NECTIN4: variants seen among roughly 807,000 people sequenced by gnomAD.
NECTIN4 encodes nectin cell adhesion molecule 4.
NECTIN4 carries 19 observed loss-of-function variants against 51.7 expected under a neutral mutation model. The observed-to-expected ratio is 0.37, with a 90% CI of 0.26 to 0.54. NECTIN4 has a LOEUF of 0.54. Among genes scored for constraint, NECTIN4 ranks in the 20% least tolerant of loss-of-function variants. NECTIN4 has a pLI of 0.86. For missense variants in NECTIN4, 619 were observed against 662.4 expected, an observed-to-expected ratio of 0.93 and a Z score of 0.72; for synonymous variants, 283 against 286.9, an observed-to-expected ratio of 0.99 and a Z score of 0.14.
In NECTIN4 at chr1:161,072,476, G is replaced by A; in HGVS notation, c.*185C>T. ...ACACACAGTGACCTGCATGCATGGTGGGAGAGACTCAATTGGTGGAGCCCT... is the reference window on the plus strand; with the variant it reads ...ACACACAGTGACCTGCATGCATGGTAGGAGAGACTCAATTGGTGGAGCCCT... On this transcript the variant is annotated 3_prime_UTR_variant, in exon 9 of 9. Transcript: ENST00000368012. 1 of 655,774 alleles carries A rather than the reference G, an allele frequency of 1.5e-6. No homozygotes were observed. The highest frequency in any genetic ancestry group is 2.8e-6 in the Non-Finnish European group (1 of 360,822). 40.6% of individuals were successfully genotyped at this position (655,774 alleles called of 1,614,324 possible).
In NECTIN4 at chr1:161,089,541, G is replaced by C. The variant is rs1223203085; in HGVS notation, c.-245C>G. The C allele has an allele frequency of 5.4e-6, 3 of 555,390 alleles. No individual in the cohort carries two copies. In the Admixed American group the frequency reaches 9.1e-5, roughly 17 times the overall value. The allele number at this position is 555,390 out of a possible 1,614,324, so 34.4% of individuals were successfully genotyped here. A position where few individuals can be genotyped will look rare whatever the true frequency, so the allele number is the denominator to read the frequency against. On this transcript the variant is annotated 5_prime_UTR_variant, in exon 1 of 9. Transcript: ENST00000368012. This position sits in a 1 kb window ranked among gnomAD's most constrained non-coding sequence, Gnocchi z 4.1. ...CTCCCCCAGAGCTGCTTCCCACGCT[G>C]TGGCCAACAACGACGGCAGAAACCT...
chr1:161,076,069 C>T (rs566703321), intron 4 of NECTIN4, among the ~76,000 whole-genome samples: 4 of 152,198 alleles, frequency 2.6e-5, no homozygotes, highest in East Asian at 1.9e-4. Context: ...AGCAAGACTC[C>T]GTCTCAAAAC....
intron 7 of NECTIN4, 98 bp downstream of exon 7, chr1:161,073,622 G>T: frequency 9.1e-7 from 1 of 1,099,208 alleles, no homozygotes; most frequent in Non-Finnish European, 1.4e-6. Context: ...GGCTGACCCA[G>T]CAGAGAGCTG....
intron 1 of NECTIN4, among the ~76,000 whole-genome samples, chr1:161,088,896 C>A (rs1378541777): frequency 6.6e-6 from 1 of 152,094 alleles, no homozygotes; most frequent in African/African-American, 2.4e-5. Flanking sequence ...ACAAGTCCCA[C>A]CTGCCTGCCC....
chr1:161,077,782 A>G (rs779076734), intron 2 of NECTIN4, 39 bp from the exon 3 acceptor site: 2 of 1,573,616 alleles, frequency 1.3e-6, no homozygotes, highest in Non-Finnish European at 8.6e-7. Flanking sequence ...GGTCTACACA[A>G]TCCCTGTCAG....
At chr1:161,074,923 C>G (rs1653347116) in intron 4 of NECTIN4, among the ~76,000 whole-genome samples, 164 bp from the exon 5 acceptor site, 2 of 152,230 alleles carry the variant, frequency 1.3e-5, no homozygotes, top group South Asian at 4.1e-4. Context: ...AGGCAGAGGT[C>G]CTTTCTCCCT....
At chr1:161,082,445 A>T (rs2101672109) in intron 1 of NECTIN4, among the ~76,000 whole-genome samples, 1 of 152,228 alleles carries the variant, frequency 6.6e-6, no homozygotes, top group East Asian at 1.9e-4. Context: ...TTCACTGCCA[A>T]AGGGAGCACC....
chr1:161,089,141 T>C lies in NECTIN4; in HGVS notation c.79+77A>G. On this transcript the variant is annotated intron_variant, in intron 1 of 8. Coordinates refer to ENST00000368012, the MANE Select transcript of NECTIN4 (RefSeq NM_030916.3). This position sits in a 1 kb window ranked among gnomAD's most constrained non-coding sequence, Gnocchi z 4.1. Reference sequence around the variant, plus strand: ...GGATATGTGTGTGCGTGCGTGTGTGTCTATGTGTTTGTGCATGTGTGTCAG... The same window carrying C: ...GGATATGTGTGTGCGTGCGTGTGTGCCTATGTGTTTGTGCATGTGTGTCAG... 1 of 1,252,554 alleles carries C rather than the reference T, an allele frequency of 8.0e-7. No individual in the cohort carries two copies. The allele number at this position is 1,252,554 out of a possible 1,614,324, so 77.6% of individuals were successfully genotyped here. A position where few individuals can be genotyped will look rare whatever the true frequency, so the allele number is the denominator to read the frequency against.
In NECTIN4 at chr1:161,089,471, C is replaced by A; in HGVS notation, c.-175G>T. 1.5e-6 allele frequency: 1 copy of A among 648,644 alleles called. No homozygotes were observed. The allele number at this position is 648,644 out of a possible 1,614,324, so 40.2% of individuals were successfully genotyped here. A position where few individuals can be genotyped will look rare whatever the true frequency, so the allele number is the denominator to read the frequency against. On this transcript the variant is annotated 5_prime_UTR_variant, in exon 1 of 9. Transcript: ENST00000368012. This position sits in a 1 kb window ranked among gnomAD's most constrained non-coding sequence, Gnocchi z 4.1. ...CCCAGCCCCGGCCCCGTTCTACACACCCAGCCGTAGCTACCCCCAAGAAGC... is the reference window on the plus strand; with the variant it reads ...CCCAGCCCCGGCCCCGTTCTACACAACCAGCCGTAGCTACCCCCAAGAAGC...
At position 161,074,666 on chromosome 1, in the gene NECTIN4, G is replaced by A; in HGVS notation, c.945C>T (p.Cys315=). ...LTTEHSGIYV[C]HVSNEFSSRD... is the part of the protein sequence containing the mutation. ...TTGAGGAGAACTCATTGCTGACATGGCAGACGTAGATGCCGCTGTGCTCAG... is the reference window on the plus strand; with the variant it reads ...TTGAGGAGAACTCATTGCTGACATGACAGACGTAGATGCCGCTGTGCTCAG... Residue 315 remains cysteine (C), a synonymous_variant, in exon 5 of 9, where the codon TGC becomes TGT. Transcript: ENST00000368012. 1 of 1,614,230 alleles carries A rather than the reference G, an allele frequency of 6.2e-7. No individual in the cohort carries two copies.
chr1:161,085,232 T>C (rs1204856627), intron 1 of NECTIN4, among the ~76,000 whole-genome samples: 1 of 151,898 alleles, frequency 6.6e-6, no homozygotes, highest in East Asian at 1.9e-4. Context: ...GATTAGTGTC[T>C]GGGGAGGGGG....
intron 3 of NECTIN4, 72 bp from the exon 4 acceptor site, chr1:161,076,547 C>G: frequency 6.3e-7 from 1 of 1,591,812 alleles, no homozygotes; most frequent in Non-Finnish European, 8.6e-7. Flanking sequence ...AAGGGCCCTG[C>G]CCCCACCCCA....
intron 3 of NECTIN4, 77 bp from the exon 4 acceptor site, chr1:161,076,552 A>T (rs1240459209): frequency 6.4e-7 from 1 of 1,573,474 alleles, no homozygotes; most frequent in Admixed American, 1.7e-5. Context: ...CCCTGCCCCC[A>T]CCCCACCCTG....
Position 161,074,388 on chromosome 1 carries a change from C to T in NECTIN4, c.1001-15G>A, listed in dbSNP as rs985227998. 1 of 1,613,864 alleles carries T rather than the reference C, an allele frequency of 6.2e-7. No homozygotes were observed. The highest frequency in any genetic ancestry group is 1.3e-5 in the African/African-American group (1 of 74,880). On this transcript the variant is annotated splice_polypyrimidine_tract_variant and intron_variant, in intron 5 of 8. Transcript: ENST00000368012. ...TTCCTGGGGGTCTGCTGGAGACAGGCCACTGTCTGAGGTGGAAGCCTGCAG... is the reference window on the plus strand; with the variant it reads ...TTCCTGGGGGTCTGCTGGAGACAGGTCACTGTCTGAGGTGGAAGCCTGCAG...
At position 161,089,143 on chromosome 1, in the gene NECTIN4, T is replaced by C; in HGVS notation, c.79+75A>G. ...ATATGTGTGTGCGTGCGTGTGTGTC[T>C]ATGTGTTTGTGCATGTGTGTCAGTG... On this transcript the variant is annotated intron_variant, in intron 1 of 8. Transcript: ENST00000368012. This position sits in a 1 kb window ranked among gnomAD's most constrained non-coding sequence, Gnocchi z 4.1. 1 of 1,274,472 alleles carries C rather than the reference T, an allele frequency of 7.8e-7. No individual in the cohort carries two copies. Among genetic ancestry groups the C allele is most frequent in the South Asian group, 1.2e-5 (1 of 84,298 alleles). The allele number at this position is 1,274,472 out of a possible 1,614,324, so 78.9% of individuals were successfully genotyped here.
In NECTIN4 at chr1:161,079,704, C is replaced by T. The variant is rs1036314088; in HGVS notation, c.325G>A (p.Asp109Asn). ...GCGTTGCGCAGGAGCACTGAGCCGT[C>T]CAGGGGGTTGCGTGGGGGCGGCGGC... is the stretch of plus-strand genomic sequence containing the variant. ...EQPPPPRNPLDGSVLLRNAVQ... is the reference protein window; with the variant it reads ...EQPPPPRNPLNGSVLLRNAVQ... The change falls in exon 2 of 9, where the codon GAC (aspartate) becomes AAC (asparagine). Residue 109 changes from aspartate (D) to asparagine (N), a missense_variant. Around this residue, in one of 3 missense-constraint regions of NECTIN4, gnomAD observed 218 missense variants for 186.3 expected, o/e 1.17. Transcript: ENST00000368012. The T allele has an allele frequency of 1.2e-6, 2 of 1,608,740 alleles. No individual in the cohort carries two copies. The highest frequency in any genetic ancestry group is 3.3e-5 in the Admixed American group (2 of 59,986).
rs756304599 is a variant in NECTIN4 at position 161,079,855 on chromosome 1, G to A, written c.174C>T (p.Ser58=). The change falls in exon 2 of 9, where the codon TCC becomes TCT. Residue 58 remains serine, a synonymous_variant. Coordinates refer to ENST00000368012, the MANE Select transcript of NECTIN4 (RefSeq NM_030916.3). ...ATGCCACTTGCCCCACTTGCTCGCC[G>A]GAGTCCCCTCGGTAGAAGCAGGGCA... ...AKLPCFYRGD[S]GEQVGQVAWA... The A allele has an allele frequency of 1.2e-6, 2 of 1,613,908 alleles. No homozygotes were observed. Among genetic ancestry groups the A allele is most frequent in the South Asian group, 1.1e-5 (1 of 91,072 alleles).
At chr1:161,084,710 C>T (rs545959069) in intron 1 of NECTIN4, 1 of 152,370 alleles carries the variant, frequency 6.6e-6, no homozygotes, top group South Asian at 2.1e-4. Flanking sequence ...TCCCCTGGGC[C>T]CCTCAGCAGC....
At chr1:161,074,848 C>G (rs1224890977) in intron 4 of NECTIN4, 89 bp from the exon 5 acceptor site, 6 of 1,408,826 alleles carry the variant, frequency 4.3e-6, no homozygotes, top group Non-Finnish European at 5.9e-6. Flanking sequence ...CACCCTCCAC[C>G]CCCATGACGT....
Sources: gnomAD v4.1 joint callset for allele counts (sites outside exome capture counted in the v4.1 genomes callset) on GRCh38, gnomAD v4.1.1 for gene constraint, gnomAD v4.1.1 regional missense constraint, Gnocchi (gnomAD v3.1) non-coding constraint, MANE v1.5 for transcripts, NCBI Gene and HGNC (gene_info 2026-07-23, HGNC 2026-07-21) for gene names.